SPTAN1: variants seen among roughly 807,000 people sequenced by gnomAD.
SPTAN1 encodes the protein spectrin alpha, non-erythrocytic 1.
In SPTAN1, 61 loss-of-function variants were observed where a neutral mutation model predicts 331.3. The ratio of observed to expected loss-of-function variants is 0.18; its 90% CI spans 0.15 to 0.23. The LOEUF is 0.23. Ranked by LOEUF, SPTAN1 falls within the 10% of genes least tolerant of loss-of-function variation. The pLI, the probability that SPTAN1 is intolerant of heterozygous loss-of-function variation, is 1.00. For synonymous variants in SPTAN1, 1,153 were observed against 1,173.9 expected, an observed-to-expected ratio of 0.98 and a Z score of 0.36; for missense variants, 2,043 against 3,147.9, an observed-to-expected ratio of 0.65 and a Z score of 8.40.
At chr9:128,588,589 G>A (rs1400510898) in intron 20 of SPTAN1, among the ~76,000 whole-genome samples, 1 of 151,968 alleles carries the variant, frequency 6.6e-6, no homozygotes, top group Non-Finnish European at 1.5e-5. Flanking sequence ...GAGATTACAC[G>A]TATGAGCCAC....
intron 36 of SPTAN1, 62 bp from the exon 37 acceptor site, chr9:128,609,589 T>C: frequency 7.3e-7 from 1 of 1,365,222 alleles, no homozygotes; most frequent in African/African-American, 1.5e-5. Context: ...TTCTATTTAA[T>C]AGCTGATATG....
At position 128,607,690 on chromosome 9, in the gene SPTAN1, T is replaced by C. The variant is rs776728710; in HGVS notation, c.4133T>C (p.Leu1378Pro). The C allele has an allele frequency of 3.1e-6, 5 of 1,613,942 alleles. No homozygotes were observed. The highest frequency in any genetic ancestry group is 4.2e-6 in the Non-Finnish European group (5 of 1,180,014). The part of the protein sequence containing the change: ...AKDVTGAEAL[L>P]ERHQEHRTEI... Reference sequence around the variant, plus strand: ...GATGTCACCGGAGCTGAGGCATTGCTGGAGCGACACCAGGTGGGTGGACCT... The same window carrying C: ...GATGTCACCGGAGCTGAGGCATTGCCGGAGCGACACCAGGTGGGTGGACCT... Residue 1378 changes from leucine to proline, a missense_variant, in exon 32 of 57, where the codon CTG becomes CCG. Coordinates refer to ENST00000372739, the MANE Select transcript of SPTAN1 (RefSeq NM_001130438.3).
At chr9:128,600,966 G>A (rs1034506305) in intron 27 of SPTAN1, among the ~76,000 whole-genome samples, 2 of 57,920 alleles carry the variant, frequency 3.5e-5, no homozygotes, top group Non-Finnish European at 8.2e-5. Flanking sequence ...CACAGCCAGG[G>A]AGAAAGTCTT....
intron 45 of SPTAN1, among the ~76,000 whole-genome samples, chr9:128,622,464 T>A (rs965250125): frequency 6.6e-6 from 1 of 151,842 alleles, no homozygotes; most frequent in Non-Finnish European, 1.5e-5. Context: ...TATGCCCGGC[T>A]AATTTTGTAT....
Position 128,618,053 on chromosome 9 carries a change from C to T in SPTAN1, c.5545C>T (p.Arg1849Trp), listed in dbSNP as rs148402616. The change falls in exon 43 of 57, where the codon CGG (arginine) becomes TGG (tryptophan). Residue 1849 changes from arginine to tryptophan, a missense_variant. Physicochemically the swap from Arg to Trp is moderately radical, Grantham distance 101 (BLOSUM62 -3). Around this residue, in one of 12 missense-constraint regions of SPTAN1, gnomAD observed 323 missense variants for 581.1 expected, o/e 0.56. Transcript: ENST00000372739. The part of the protein sequence containing the change: ...NTIGKEEIQQ[R>W]LAQFVEHWKE... The stretch of plus-strand genomic sequence containing the variant: ...CATCGGGAAAGAGGAGATCCAGCAG[C>T]GGCTGGCGCAGTTTGTGGAGCACTG... The T allele has an allele frequency of 2.2e-5, 35 of 1,613,936 alleles. No homozygotes were observed. The highest frequency in any genetic ancestry group is 1.2e-4 in the African/African-American group (9 of 74,904).
chr9:128,581,049 G>T lies in SPTAN1; in HGVS notation c.1451G>T (p.Ser484Ile). 6.2e-7 allele frequency: 1 copy of T among 1,614,058 alleles called. No individual in the cohort carries two copies. The change falls in exon 11 of 57, where the codon AGC becomes ATC. Residue 484 changes from serine to isoleucine, a missense_variant. Transcript: ENST00000372739. The stretch of plus-strand genomic sequence containing the variant: ...ACTGAGCAGGTGGACAACTGGATGA[G>T]CAAGCAGGAGGTAATCTGTGAGCAA... ...RDTEQVDNWM[S>I]KQEAFLLNED... is the part of the protein sequence containing the mutation.
chr9:128,624,907 G>A (rs2131934494), intron 46 of SPTAN1, 196 bp from the exon 47 acceptor site: 1 of 650,834 alleles, frequency 1.5e-6, no homozygotes. Context: ...ACGGGCTGCA[G>A]GGAGCTCGTC....
chr9:128,625,460 C>G lies in SPTAN1; in HGVS notation c.6069+281C>G, dbSNP rs1858590049. On this transcript the variant is annotated intron_variant, in intron 47 of 56. Transcript: ENST00000372739. The surrounding 1 kb of genome is among the most constrained non-coding windows in gnomAD (Gnocchi z 4.1). ...GGTTGAAGGGGCAAGTTCTCCTAAG[C>G]GAAATCATGAGGGGTGAATGAAAAC... Among the ~76,000 whole-genome samples the G allele has an allele frequency of 6.6e-6, 1 of 152,064 alleles. No individual in the cohort carries two copies. The highest frequency in any genetic ancestry group is 6.6e-5 in the Admixed American group (1 of 15,252).
At chr9:128,613,962 G>T (rs1235153507) in intron 40 of SPTAN1, among the ~76,000 whole-genome samples, 1 of 149,988 alleles carries the variant, frequency 6.7e-6, no homozygotes. Flanking sequence ...CCAAGATCGC[G>T]CCACGGCACT....
chr9:128,579,586 A>G (rs570308532), intron 9 of SPTAN1, 51 bp from the exon 10 acceptor site: 2 of 1,463,476 alleles, frequency 1.4e-6, no homozygotes, highest in East Asian at 4.5e-5. Flanking sequence ...CCTTGTTTTT[A>G]TTTTGTAAGA....
intron 51 of SPTAN1, 185 bp downstream of exon 51, chr9:128,628,127 T>C (rs534573048): frequency 9.7e-6 from 8 of 821,894 alleles, no homozygotes; most frequent in African/African-American, 5.0e-5. Context: ...CCATGGTCCC[T>C]GGTCCCCGAT....
intron 52 of SPTAN1, 113 bp downstream of exon 52, chr9:128,630,488 C>G (rs772516765): frequency 1.1e-4 from 122 of 1,066,236 alleles, no homozygotes; most frequent in Non-Finnish European, 1.6e-4. Context: ...TTATTGTACC[C>G]TTTTCCCTTG....
chr9:128,633,562 TCAGAAAATCGAAG>T lies in SPTAN1; in HGVS notation c.*232_*244del. On this transcript the variant is annotated 3_prime_UTR_variant, in exon 57 of 57. Transcript: ENST00000372739. ...TGAAGCAGCTGCCCTCATTCCGACTTCAGAAAATCGAAGCAGCTGGCTCCTCCCCTTGTTCTCT... is the reference window on the plus strand; with the variant it reads ...TGAAGCAGCTGCCCTCATTCCGACTTCAGCTGGCTCCTCCCCTTGTTCTCT... 1.9e-6 allele frequency: 2 copies of T among 1,066,398 alleles called. No homozygotes were observed. The highest frequency in any genetic ancestry group is 2.7e-6 in the Non-Finnish European group (2 of 728,762). The allele number at this position is 1,066,398 out of a possible 1,614,324, so 66.1% of individuals were successfully genotyped here. A position where few individuals can be genotyped will look rare whatever the true frequency, so the allele number is the denominator to read the frequency against.
chr9:128,555,299 C>G, intron 1 of SPTAN1: 1 of 1,189,040 alleles, frequency 8.4e-7, no homozygotes, highest in East Asian at 5.8e-5. Flanking sequence ...TGATTTTGTT[C>G]CGTTTGCCCT....
chr9:128,598,553 C>T (rs760402274), intron 25 of SPTAN1, 49 bp downstream of exon 25: 57 of 1,384,898 alleles, frequency 4.1e-5, no homozygotes, highest in Non-Finnish European at 5.8e-5. Flanking sequence ...AAGGATGCAG[C>T]TTTGTTCCTC....
chr9:128,606,834 A>T (rs972951017), intron 31 of SPTAN1, among the ~76,000 whole-genome samples: 4 of 152,012 alleles, frequency 2.6e-5, no homozygotes, highest in African/African-American at 9.7e-5. Flanking sequence ...CATACAATTA[A>T]CTACTTTAAA....
At chr9:128,599,688 A>T in intron 26 of SPTAN1, 1 of 175,908 alleles carries the variant, frequency 5.7e-6, no homozygotes, top group Admixed American at 6.0e-5. Context: ...ACAGCTCTAA[A>T]AAAAAAAAAA....
At chr9:128,572,627 TCTTGG>T (rs1243629033) in intron 3 of SPTAN1, among the ~76,000 whole-genome samples, 2 of 152,362 alleles carry the variant, frequency 1.3e-5, no homozygotes, top group African/African-American at 4.8e-5. Flanking sequence ...ACTATGGTGA[TCTTGG>T]CTTGGTCATT....
Position 128,632,727 on chromosome 9 carries a change from A to T in SPTAN1, c.7160+9A>T. 1 of 1,614,034 alleles carries T rather than the reference A, an allele frequency of 6.2e-7. No homozygotes were observed. The highest frequency in any genetic ancestry group is 8.5e-7 in the Non-Finnish European group (1 of 1,180,038). The stretch of plus-strand genomic sequence containing the variant: ...ACGGTGGATCCGAACAGGTAAATTA[A>T]TTAAGGCCAGGTGCTGTGAGCCTCT... On this transcript the variant is annotated intron_variant, in intron 55 of 56. Coordinates refer to ENST00000372739, the MANE Select transcript of SPTAN1 (RefSeq NM_001130438.3).
Sources: allele counts gnomAD v4.1 joint callset (sites outside exome capture counted in the v4.1 genomes callset), GRCh38; gene constraint gnomAD v4.1.1; regional missense constraint gnomAD v4.1.1; non-coding constraint Gnocchi (gnomAD v3.1); transcripts MANE v1.5; gene names NCBI Gene and HGNC (gene_info 2026-07-23, HGNC 2026-07-21).